LPP: variants seen among roughly 807,000 people sequenced by gnomAD.
LPP encodes LIM domain containing preferred translocation partner in lipoma.
A neutral mutation model predicts 60.4 loss-of-function variants in LPP; 38 were observed. The observed-to-expected ratio is 0.63, with a 90% CI of 0.49 to 0.83. The LOEUF (loss-of-function observed/expected upper bound fraction) is 0.83, where lower values mean the gene tolerates loss of function less well. Ranked by LOEUF, LPP falls within the 40% of genes least tolerant of loss-of-function variation. The pLI is 0.00. For missense variants in LPP, 902 were observed against 783.6 expected, an observed-to-expected ratio of 1.15 and a Z score of -1.80; for synonymous variants, 328 against 290.8, an observed-to-expected ratio of 1.13 and a Z score of -1.30.
intron 8 of LPP, among the ~76,000 whole-genome samples, chr3:188,718,306 G>T (rs1001383496): frequency 6.6e-6 from 1 of 152,178 alleles, no homozygotes; most frequent in Non-Finnish European, 1.5e-5. Context: ...CTGAGTAATG[G>T]ACAGTCTCCG....
intron 6 of LPP, among the ~76,000 whole-genome samples, chr3:188,557,208 T>C (rs936846097): frequency 3.9e-5 from 6 of 152,036 alleles, no homozygotes; most frequent in Non-Finnish European, 7.4e-5. Context: ...CGTGCCTTCA[T>C]GCGTTACAAA....
At chr3:188,780,551 G>A (rs1329691509) in intron 9 of LPP, among the ~76,000 whole-genome samples, 2 of 152,172 alleles carry the variant, frequency 1.3e-5, no homozygotes, top group Non-Finnish European at 2.9e-5. Flanking sequence ...CAGGGCTGCT[G>A]TTCTCTACCA....
At position 188,352,408 on chromosome 3, in the gene LPP, C is replaced by T. The variant is rs377755665; in HGVS notation, c.-10+10689C>T. 1.1e-4 allele frequency among the ~76,000 whole-genome samples: 16 copies of T among 152,268 alleles called. No individual in the cohort carries two copies. In the South Asian group the frequency reaches 1.7e-3, roughly 16 times the overall value. ...TAGATCAGCTATTTTCTGAAGGAGT[C>T]GCTGACCTTCCCCACAATAGAAGCT... On this transcript the variant is annotated intron_variant, in intron 3 of 11. Transcript: ENST00000617246. This position sits in a 1 kb window ranked among gnomAD's most constrained non-coding sequence, Gnocchi z 4.4.
At chr3:188,440,907 T>C (rs977049911) in intron 4 of LPP, among the ~76,000 whole-genome samples, 92 of 151,714 alleles carry the variant, frequency 6.1e-4, no homozygotes, top group African/African-American at 2.1e-3. Context: ...AAAAGAAAAT[T>C]GTATGATAAT....
chr3:188,350,115 G>A (rs1234235255), intron 3 of LPP, among the ~76,000 whole-genome samples: 2 of 152,134 alleles, frequency 1.3e-5, no homozygotes, highest in Non-Finnish European at 1.5e-5. Flanking sequence ...GAGTGTCCAC[G>A]AACTGTGGCT....
At chr3:188,534,305 A>G (rs568596872) in intron 6 of LPP, among the ~76,000 whole-genome samples, 1 of 152,340 alleles carries the variant, frequency 6.6e-6, no homozygotes, top group South Asian at 2.1e-4. Context: ...TGATTATGTT[A>G]CATTACACTG....
At chr3:188,799,575 A>G (rs953301860) in intron 9 of LPP, among the ~76,000 whole-genome samples, 3 of 151,374 alleles carry the variant, frequency 2.0e-5, no homozygotes, top group African/African-American at 7.3e-5. Context: ...TTATTGTTAA[A>G]CTCCTTTTTC....
intron 4 of LPP, among the ~76,000 whole-genome samples, chr3:188,420,995 T>A (rs1398662701): frequency 1.3e-5 from 2 of 152,152 alleles, no homozygotes; most frequent in African/African-American, 4.8e-5. Context: ...AGGGCATGGG[T>A]TCTTTCTGCT....
At position 188,352,568 on chromosome 3, in the gene LPP, T is replaced by C. The variant is rs181878233; in HGVS notation, c.-10+10849T>C. On this transcript the variant is annotated intron_variant, in intron 3 of 11. Coordinates refer to ENST00000617246, the MANE Select transcript of LPP (RefSeq NM_001375462.1). The surrounding 1 kb of genome is among the most constrained non-coding windows in gnomAD (Gnocchi z 4.4). ...TAGGAGCAAGAAGGGCTTGTGAATA[T>C]CCCGTACTCTCATTTGATGTGTGAG... Among the ~76,000 whole-genome samples, 6 of 152,330 alleles carry C rather than the reference T, an allele frequency of 3.9e-5. No individual in the cohort carries two copies. Among genetic ancestry groups the C allele is most frequent in the Non-Finnish European group, 2.9e-5 (2 of 68,038 alleles).
At chr3:188,411,277 G>T (rs188069692) in intron 4 of LPP, among the ~76,000 whole-genome samples, 41 of 152,256 alleles carry the variant, frequency 2.7e-4, no homozygotes, top group African/African-American at 9.9e-4. Flanking sequence ...TGTTGGCATA[G>T]ATATGGTGAA....
intron 6 of LPP, among the ~76,000 whole-genome samples, chr3:188,576,529 G>A (rs1202849720): frequency 6.6e-6 from 1 of 152,118 alleles, no homozygotes; most frequent in Non-Finnish European, 1.5e-5. Context: ...TGTGATGCAG[G>A]GTTCTGAGTA....
chr3:188,670,317 A>G (rs1297545112), intron 7 of LPP, among the ~76,000 whole-genome samples: 1 of 152,222 alleles, frequency 6.6e-6, no homozygotes, highest in African/African-American at 2.4e-5. Flanking sequence ...GTTAGAAGAC[A>G]TGCCCTGAAT....
At chr3:188,626,349 G>T (rs780257465) in intron 7 of LPP, among the ~76,000 whole-genome samples, 6 of 152,060 alleles carry the variant, frequency 3.9e-5, no homozygotes, top group Non-Finnish European at 8.8e-5. Context: ...TTTAAACTAT[G>T]TAAGAGGATA....
At position 188,707,711 on chromosome 3, in the gene LPP, C is replaced by T. The variant is rs375583613; in HGVS notation, c.1114-556C>T. On this transcript the variant is annotated intron_variant, in intron 7 of 11. Coordinates refer to ENST00000617246, the MANE Select transcript of LPP (RefSeq NM_001375462.1). ...TCCCGAAGTACACAACTTCCACAAG[C>T]TCTTTATGCTGCTTGACTTTTTTCA... 2.6e-5 allele frequency among the ~76,000 whole-genome samples: 4 copies of T among 152,264 alleles called. No individual in the cohort carries two copies. The South Asian group carries it at 8.3e-4, about 32-fold the overall frequency.
intron 2 of LPP, among the ~76,000 whole-genome samples, chr3:188,233,019 T>C (rs1017035955): frequency 3.3e-5 from 5 of 152,188 alleles, no homozygotes; most frequent in Non-Finnish European, 7.3e-5. Context: ...CTTAGTTCTT[T>C]TCTTTGTTAG....
intron 2 of LPP, among the ~76,000 whole-genome samples, chr3:188,241,862 A>C (rs192598823): frequency 1.3e-5 from 2 of 152,332 alleles, no homozygotes; most frequent in East Asian, 3.9e-4. Flanking sequence ...CATTCTGAAA[A>C]TAAGAAGAAA....
chr3:188,690,126 A>G (rs1367244614), intron 7 of LPP, among the ~76,000 whole-genome samples: 2 of 152,228 alleles, frequency 1.3e-5, no homozygotes, highest in East Asian at 3.8e-4. Context: ...CCTACCTTAT[A>G]AAGTGCAAAT....
intron 9 of LPP, among the ~76,000 whole-genome samples, chr3:188,828,921 A>G (rs1335679482): frequency 1.3e-5 from 2 of 152,186 alleles, no homozygotes; most frequent in Non-Finnish European, 2.9e-5. Flanking sequence ...CGTTATGTAT[A>G]TAGCATTATC....
intron 4 of LPP, among the ~76,000 whole-genome samples, chr3:188,408,659 G>A (rs1035762): frequency 0.021 from 3,172 of 151,800 alleles, 109 homozygotes; most frequent in African/African-American, 0.073. Flanking sequence ...TATTGCTCCT[G>A]CTTACATTCT....
Sources: gnomAD v4.1 joint callset for allele counts (sites outside exome capture counted in the v4.1 genomes callset) on GRCh38, gnomAD v4.1.1 for gene constraint, Gnocchi (gnomAD v3.1) non-coding constraint, MANE v1.5 for transcripts, NCBI Gene and HGNC (gene_info 2026-07-23, HGNC 2026-07-21) for gene names.